DNAH7: variants seen among roughly 807,000 people sequenced by gnomAD.
The protein encoded by DNAH7 is dynein axonemal heavy chain 7, also known as axonemal beta dynein heavy chain 7.
In DNAH7, 397 loss-of-function variants were observed where a neutral mutation model predicts 444.6. The observed-to-expected ratio is 0.89, with a 90% CI of 0.82 to 0.97. The LOEUF is 0.97. Ranked by LOEUF, DNAH7 falls within the 50% of genes least tolerant of loss-of-function variation. The pLI is 0.00. For synonymous variants in DNAH7, 1,636 were observed against 1,624.4 expected, an observed-to-expected ratio of 1.01 and a Z score of -0.17; for missense variants, 4,902 against 4,800.8, an observed-to-expected ratio of 1.02 and a Z score of -0.62.
At chr2:195,742,747 C>T (rs1211594991) in intron 63 of DNAH7, among the ~76,000 whole-genome samples, 3 of 152,192 alleles carry the variant, frequency 2.0e-5, no homozygotes, top group Non-Finnish European at 4.4e-5. Context: ...CTATTCTCTG[C>T]CTCCCTTCAT....
At chr2:195,957,190 A>G in intron 19 of DNAH7, 71 bp downstream of exon 19, 1 of 1,305,456 alleles carries the variant, frequency 7.7e-7, no homozygotes, top group Non-Finnish European at 1.0e-6. Flanking sequence ...AATGGCTTAT[A>G]TGGATTTCTG....
At chr2:195,910,216 A>G in intron 24 of DNAH7, 21 bp from the exon 25 acceptor site, 1 of 1,553,020 alleles carries the variant, frequency 6.4e-7, no homozygotes, top group Non-Finnish European at 8.7e-7. Context: ...TGAAATAGAC[A>G]TTCTTTGTAG....
At position 195,740,585 on chromosome 2, in the gene DNAH7, ATGTGTGTGTGTGTGTGTG is replaced by A. The variant is rs71015727; in HGVS notation, c.11868+163_11868+180del. On this transcript the variant is annotated intron_variant, in intron 64 of 64. Coordinates refer to ENST00000312428, the MANE Select transcript of DNAH7 (RefSeq NM_018897.3). ...CATGAATAACAAGAATTGACTGTAT[ATGTGTGTGTGTGTGTGTG>A]TGTGTGTGTGTGTATATATATATAT... 3.4e-3 allele frequency among the ~76,000 whole-genome samples: 450 copies of A among 132,394 alleles called. 6 individuals are homozygous for A. Among genetic ancestry groups the A allele is most frequent in the African/African-American group, 0.01 (352 of 34,522 alleles). 86.9% of individuals were successfully genotyped at this position (132,394 alleles called of 152,430 possible). A position where few individuals can be genotyped will look rare whatever the true frequency, so the allele number is the denominator to read the frequency against.
At chr2:195,873,428 C>A in intron 39 of DNAH7, 140 bp downstream of exon 39, 1 of 494,896 alleles carries the variant, frequency 2.0e-6, no homozygotes, top group Non-Finnish European at 3.2e-6. Context: ...GTGGCAGGAA[C>A]AGAGGCAAAC....
chr2:195,891,578 G>T, intron 31 of DNAH7, 77 bp downstream of exon 31: 1 of 1,278,050 alleles, frequency 7.8e-7, no homozygotes, highest in Non-Finnish European at 1.0e-6. Flanking sequence ...TAGTTTGTTT[G>T]AAAAAAAAAT....
At chr2:195,776,235 GGAGTTT>G (rs1334617951) in intron 59 of DNAH7, among the ~76,000 whole-genome samples, 1 of 152,120 alleles carries the variant, frequency 6.6e-6, no homozygotes, top group Non-Finnish European at 1.5e-5. Context: ...CCTGAGGTCG[GGAGTTT>G]GAGACCAGCC....
intron 8 of DNAH7, among the ~76,000 whole-genome samples, chr2:196,021,308 C>G (rs891376638): frequency 6.6e-6 from 1 of 152,202 alleles, no homozygotes; most frequent in African/African-American, 2.4e-5. Flanking sequence ...ATAAATGTAA[C>G]GTTAGGCTTA....
At chr2:195,869,559 A>G (rs1700557221) in intron 40 of DNAH7, among the ~76,000 whole-genome samples, 1 of 152,174 alleles carries the variant, frequency 6.6e-6, no homozygotes, top group Non-Finnish European at 1.5e-5. Flanking sequence ...AACTACTAGG[A>G]TAGGGGAGGG....
chr2:196,029,765 G>T (rs7577119), intron 5 of DNAH7, among the ~76,000 whole-genome samples: 2 of 152,036 alleles, frequency 1.3e-5, no homozygotes, highest in East Asian at 3.8e-4. Flanking sequence ...TGCTTATTCC[G>T]TTCAGAAATA....
At chr2:196,054,599 C>G (rs1575112786) in intron 2 of DNAH7, among the ~76,000 whole-genome samples, 2 of 152,236 alleles carry the variant, frequency 1.3e-5, no homozygotes, top group South Asian at 4.1e-4. Flanking sequence ...TCACCCCACC[C>G]CACCTCCACC....
chr2:195,940,280 C>T (rs1574832660), intron 19 of DNAH7, among the ~76,000 whole-genome samples: 1 of 152,122 alleles, frequency 6.6e-6, no homozygotes, highest in Admixed American at 6.6e-5. Context: ...GGAAAAAAAT[C>T]CCTATTTAAC....
In DNAH7 at chr2:195,840,245, C is replaced by T. The variant is rs142717904; in HGVS notation, c.8945+4757G>A. ...ACAATTACCATTTTAACAGACTAAACATAAAAAAACTGTAGGATCAACTCA... is the reference window on the plus strand; with the variant it reads ...ACAATTACCATTTTAACAGACTAAATATAAAAAAACTGTAGGATCAACTCA... On this transcript the variant is annotated intron_variant, in intron 47 of 64. Transcript: ENST00000312428. Among the ~76,000 whole-genome samples the T allele has an allele frequency of 5.3e-4, 80 of 151,660 alleles. 1 individual carries two copies. In the East Asian group the frequency reaches 0.014, roughly 27 times the overall value.
At position 195,738,061 on chromosome 2, in the gene DNAH7, T is replaced by G. The variant is rs1442955024; in HGVS notation, c.11935A>C (p.Lys3979Gln). ...AATACTCCTCTCCGCTCACTTGTCT[T>G]ATACAATGGAGCAACATAACTTGGC... ...KRPSYVAPLY[K>Q]TSERRGVLST... The change falls in exon 65 of 65, where the codon AAG (lysine) becomes CAG (glutamine). Residue 3979 changes from lysine to glutamine, a missense_variant. Transcript: ENST00000312428. 6.2e-7 allele frequency: 1 copy of G among 1,613,924 alleles called. No homozygotes were observed. Among genetic ancestry groups the G allele is most frequent in the Non-Finnish European group, 8.5e-7 (1 of 1,179,902 alleles).
chr2:195,767,898 TTTGA>T (rs2105933068), intron 61 of DNAH7, among the ~76,000 whole-genome samples: 1 of 151,946 alleles, frequency 6.6e-6, no homozygotes, highest in African/African-American at 2.4e-5. Flanking sequence ...GAATGAAATA[TTTGA>T]TCCTGGTCTG....
At chr2:195,863,963 T>C (rs1031945071) in intron 41 of DNAH7, among the ~76,000 whole-genome samples, 186 bp downstream of exon 41, 2 of 152,230 alleles carry the variant, frequency 1.3e-5, no homozygotes, top group East Asian at 1.9e-4. Flanking sequence ...TGATCACATA[T>C]ATTCTTAATA....
At chr2:195,935,839 A>G (rs751736241) in intron 20 of DNAH7, among the ~76,000 whole-genome samples, 9 of 152,086 alleles carry the variant, frequency 5.9e-5, no homozygotes, top group Non-Finnish European at 1.3e-4. Flanking sequence ...TTGGGTAAGG[A>G]GCATCCCAGG....
At chr2:196,039,255 A>G (rs910756569) in intron 5 of DNAH7, among the ~76,000 whole-genome samples, 7 of 152,180 alleles carry the variant, frequency 4.6e-5, no homozygotes, top group Non-Finnish European at 8.8e-5. Context: ...CCAAGCAACC[A>G]CTGGATCAAT....
intron 1 of DNAH7, 28 bp from the exon 2 acceptor site, chr2:196,058,144 C>A (rs748770337): frequency 1.3e-6 from 2 of 1,547,800 alleles, no homozygotes; most frequent in Non-Finnish European, 1.7e-6. Flanking sequence ...AAAAACAAAA[C>A]TGTTTACTCC....
chr2:196,049,356 G>A (rs1262357916), intron 3 of DNAH7, among the ~76,000 whole-genome samples: 6 of 152,034 alleles, frequency 3.9e-5, no homozygotes, highest in South Asian at 4.1e-4. Flanking sequence ...CTCAACTCTC[G>A]TCTTGCTCCA....
Sources: gnomAD v4.1 joint callset for allele counts (sites outside exome capture counted in the v4.1 genomes callset) on GRCh38, gnomAD v4.1.1 for gene constraint, MANE v1.5 for transcripts, NCBI Gene and HGNC (gene_info 2026-07-23, HGNC 2026-07-21) for gene names.